CHCHD5: variants seen among roughly 807,000 people sequenced by gnomAD.
CHCHD5 encodes coiled-coil-helix-coiled-coil-helix domain containing 5.
CHCHD5 carries 10 observed loss-of-function variants against 16.0 expected under a neutral mutation model. That is an observed-to-expected ratio of 0.63 (90% CI 0.39 to 1.06). CHCHD5 has a LOEUF of 1.06. Among genes scored for constraint, CHCHD5 ranks in the 50% least tolerant of loss-of-function variants. The probability of loss-of-function intolerance (pLI) is 0.01; values close to 1 mark genes in which losing one functional copy is unlikely to be tolerated. For synonymous variants in CHCHD5, 55 were observed against 56.3 expected (o/e 0.98, Z 0.10); for missense variants, 163 against 153.4 (o/e 1.06, Z -0.33).
intron 1 of CHCHD5, among the ~76,000 whole-genome samples, chr2:112,585,758 C>T (rs186455579): frequency 1.2e-4 from 18 of 152,278 alleles, no homozygotes; most frequent in Non-Finnish European, 2.5e-4. Flanking sequence ...ATTAGCTGGG[C>T]ATGGTGGCTC....
chr2:112,585,971 C>T lies in CHCHD5; in HGVS notation c.3-3C>T. ...ATGATCCTCAGCCCATCCTGTCCCA[C>T]AGGCAGGCGGCCCTAGAGGTCACCG... is the stretch of plus-strand genomic sequence containing the variant. On this transcript the variant is annotated splice_region_variant and splice_polypyrimidine_tract_variant and intron_variant, in intron 1 of 3. Coordinates refer to ENST00000324913, the MANE Select transcript of CHCHD5 (RefSeq NM_032309.4). The T allele has an allele frequency of 6.2e-7, 1 of 1,613,068 alleles. No individual in the cohort carries two copies. The highest frequency in any genetic ancestry group is 8.5e-7 in the Non-Finnish European group (1 of 1,179,144).
chr2:112,585,814 C>G (rs1355025136), intron 1 of CHCHD5, among the ~76,000 whole-genome samples, 160 bp from the exon 2 acceptor site: 1 of 152,104 alleles, frequency 6.6e-6, no homozygotes, highest in African/African-American at 2.4e-5. Context: ...AGGAAGATCA[C>G]TTGAATCCAG....
intron 3 of CHCHD5, chr2:112,587,850 T>A (rs558678245): frequency 6.6e-6 from 1 of 152,332 alleles, no homozygotes; most frequent in African/African-American, 2.4e-5. Context: ...TTTTTGGGCA[T>A]CTGAACAGTA....
intron 3 of CHCHD5, chr2:112,587,865 C>A: frequency 6.6e-6 from 1 of 152,366 alleles, no homozygotes. Flanking sequence ...ACAGTAAAGA[C>A]CCCATCCTCC....
chr2:112,587,249 A>G (rs1402092682), intron 3 of CHCHD5: 1 of 152,124 alleles, frequency 6.6e-6, no homozygotes, highest in Non-Finnish European at 1.5e-5. Flanking sequence ...TTCTGCTTCT[A>G]CTTACAAACC....
chr2:112,586,617 C>A, intron 3 of CHCHD5: 1 of 1,476,636 alleles, frequency 6.8e-7, no homozygotes, highest in South Asian at 1.4e-5. Context: ...CTTCCTCCCT[C>A]TTTTCTTGCC....
At chr2:112,588,811 C>T in intron 3 of CHCHD5, 55 bp from the exon 4 acceptor site, 4 of 1,467,466 alleles carry the variant, frequency 2.7e-6, no homozygotes, top group Non-Finnish European at 3.8e-6. Context: ...TACATAGGCT[C>T]CCCAGGCTGG....
chr2:112,588,710 G>C (rs1037390618), intron 3 of CHCHD5, 156 bp from the exon 4 acceptor site: 4 of 607,548 alleles, frequency 6.6e-6, no homozygotes, highest in African/African-American at 5.6e-5. Flanking sequence ...CACCACAGCT[G>C]ACTTTTTCAC....
upstream of CHCHD5, chr2:112,584,513 C>A: frequency 8.8e-7 from 1 of 1,142,736 alleles, no homozygotes; most frequent in Non-Finnish European, 1.3e-6. Context: ...ACAGATTAGT[C>A]CTAAAGGGAA....
At chr2:112,586,147 G>A (rs1423750341) in intron 2 of CHCHD5, 33 bp downstream of exon 2, 3 of 1,611,016 alleles carry the variant, frequency 1.9e-6, no homozygotes, top group Non-Finnish European at 2.5e-6. Context: ...CAGTGTGGGG[G>A]GTGGGCAGTG....
chr2:112,584,851 C>G (rs1685157812), intron 1 of CHCHD5: 1 of 620,840 alleles, frequency 1.6e-6, no homozygotes. Flanking sequence ...TAGGCCTCGC[C>G]CCCTCTCGCG....
Position 112,584,649 on chromosome 2 carries a change from TGTGAGTA to T in CHCHD5, c.2+6_2+12del. On this transcript the variant is annotated splice_donor_variant and splice_donor_5th_base_variant and intron_variant, in intron 1 of 3. Transcript: ENST00000324913. LOFTEE classifies it high-confidence loss of function. ...CCCTACGCCGGCAAAGGTCTCGAGA[TGTGAGTA>T]GTGAGAGCGCCTACCCCATACGTGC... The T allele has an allele frequency of 1.2e-6, 2 of 1,614,086 alleles. No homozygotes were observed. The highest frequency in any genetic ancestry group is 1.7e-6 in the Non-Finnish European group (2 of 1,179,950).
intron 3 of CHCHD5, 32 bp downstream of exon 3, chr2:112,586,397 T>G: frequency 6.2e-7 from 1 of 1,614,050 alleles, no homozygotes; most frequent in Non-Finnish European, 8.5e-7. Flanking sequence ...TCATCTCTTT[T>G]CTCCATAACA....
intron 1 of CHCHD5, 33 bp from the exon 2 acceptor site, chr2:112,585,941 C>G (rs1361521552): frequency 6.3e-7 from 1 of 1,598,708 alleles, no homozygotes; most frequent in South Asian, 1.1e-5. Context: ...TGCCTACTGC[C>G]TGGAATGATC....
chr2:112,584,474 G>T (rs3748026), upstream of CHCHD5: 75,529 of 720,010 alleles, frequency 0.1, 6,590 homozygotes, highest in East Asian at 0.42. Context: ...GACGAGCCGG[G>T]CCGGAAGAAG....
chr2:112,584,633 G>A lies in CHCHD5; in HGVS notation c.-15G>A. 6.2e-7 allele frequency: 1 copy of A among 1,612,040 alleles called. No homozygotes were observed. The highest frequency in any genetic ancestry group is 8.5e-7 in the Non-Finnish European group (1 of 1,179,960). ...CGTTCCCCCCGGACAGCCCTACGCC[G>A]GCAAAGGTCTCGAGATGTGAGTAGT... is the stretch of plus-strand genomic sequence containing the variant. On this transcript the variant is annotated 5_prime_UTR_variant, in exon 1 of 4. Coordinates refer to ENST00000324913, the MANE Select transcript of CHCHD5 (RefSeq NM_032309.4).
chr2:112,586,190 A>AC lies in CHCHD5; in HGVS notation c.144-5dup. 6.2e-7 allele frequency: 1 copy of AC among 1,609,614 alleles called. No individual in the cohort carries two copies. Among genetic ancestry groups the AC allele is most frequent in the Non-Finnish European group, 8.5e-7 (1 of 1,176,336 alleles). On this transcript the variant is annotated splice_polypyrimidine_tract_variant and intron_variant, in intron 2 of 3. Transcript: ENST00000324913. ...AATCTCCCAGGGGCTGAACTGCCCTACCCCCACAGCCCAATCATCCGCCAG... is the reference window on the plus strand; with the variant it reads ...AATCTCCCAGGGGCTGAACTGCCCTACCCCCCACAGCCCAATCATCCGCCAG...
chr2:112,587,311 A>C (rs564181402), intron 3 of CHCHD5: 10 of 152,086 alleles, frequency 6.6e-5, no homozygotes, highest in Admixed American at 1.3e-4. Flanking sequence ...AGCACAGCCC[A>C]CAGGGCCCTG....
intron 1 of CHCHD5, chr2:112,585,029 A>C: frequency 3.9e-6 from 1 of 255,400 alleles, no homozygotes; most frequent in Non-Finnish European, 7.7e-6. Context: ...ACCAAACTTT[A>C]CCTTTTGAAC....
Sources: allele counts gnomAD v4.1 joint callset (sites outside exome capture counted in the v4.1 genomes callset), GRCh38; gene constraint gnomAD v4.1.1; transcripts MANE v1.5; gene names NCBI Gene and HGNC (gene_info 2026-07-23, HGNC 2026-07-21).